CDYL2: variants seen among roughly 807,000 people sequenced by gnomAD.
The protein encoded by CDYL2 is chromodomain Y-like protein 2.
CDYL2 carries 23 observed loss-of-function variants against 49.4 expected under a neutral mutation model. That is an observed-to-expected ratio of 0.47 (90% CI 0.34 to 0.66). CDYL2 has a LOEUF of 0.66. Ranked by LOEUF, CDYL2 falls within the 30% of genes least tolerant of loss-of-function variation. The probability of loss-of-function intolerance (pLI) is 0.01; values close to 1 mark genes in which losing one functional copy is unlikely to be tolerated. For synonymous variants in CDYL2, 360 were observed against 268.8 expected, an observed-to-expected ratio of 1.34 and a Z score of -3.32; for missense variants, 678 against 656.4, an observed-to-expected ratio of 1.03 and a Z score of -0.36.
At chr16:80,652,023 G>A (rs554171043) in intron 2 of CDYL2, among the ~76,000 whole-genome samples, 1 of 152,276 alleles carries the variant, frequency 6.6e-6, no homozygotes, top group South Asian at 2.1e-4. Context: ...AGATAAAGAT[G>A]GCTGCATACA....
intron 1 of CDYL2, among the ~76,000 whole-genome samples, chr16:80,697,923 TC>T (rs1193302897): frequency 6.6e-6 from 1 of 151,972 alleles, no homozygotes; most frequent in African/African-American, 2.4e-5. Context: ...TGGAAATACA[TC>T]CCATGTTCAT....
chr16:80,723,314 C>G (rs1431156846), intron 1 of CDYL2, among the ~76,000 whole-genome samples: 5 of 152,214 alleles, frequency 3.3e-5, no homozygotes, highest in Non-Finnish European at 7.3e-5. Flanking sequence ...TAAGTAAACC[C>G]TAGCTTGGCA....
intron 2 of CDYL2, among the ~76,000 whole-genome samples, chr16:80,676,841 C>T (rs1909763316): frequency 1.3e-5 from 2 of 152,082 alleles, no homozygotes; most frequent in South Asian, 2.1e-4. Context: ...GGGTTATCTG[C>T]TCTAGAATGT....
chr16:80,690,458 C>T (rs1206566305), intron 1 of CDYL2, among the ~76,000 whole-genome samples: 3 of 152,162 alleles, frequency 2.0e-5, no homozygotes, highest in Admixed American at 6.5e-5. Context: ...GATCCCTATA[C>T]ATTAACTCTC....
At chr16:80,646,411 C>G (rs534603351) in intron 2 of CDYL2, among the ~76,000 whole-genome samples, 166 of 152,186 alleles carry the variant, frequency 1.1e-3, no homozygotes, top group Middle Eastern at 3.4e-3. Context: ...AACAAAATGG[C>G]AGGAGAAAGT....
At chr16:80,712,089 G>T (rs559651966) in intron 1 of CDYL2, among the ~76,000 whole-genome samples, 3 of 147,372 alleles carry the variant, frequency 2.0e-5, no homozygotes, top group African/African-American at 7.6e-5. Flanking sequence ...AGATGTGTGT[G>T]TATATATATG....
At chr16:80,730,655 A>C (rs899267866) in intron 1 of CDYL2, among the ~76,000 whole-genome samples, 18 of 152,226 alleles carry the variant, frequency 1.2e-4, no homozygotes, top group African/African-American at 4.3e-4. Context: ...ACCAAAAAAA[A>C]GAATTTTAGA....
chr16:80,629,880 AT>A (rs1395080349), intron 3 of CDYL2, among the ~76,000 whole-genome samples: 1 of 152,234 alleles, frequency 6.6e-6, no homozygotes, highest in East Asian at 1.9e-4. Context: ...TGATGGGAAC[AT>A]TTATTACATA....
intron 2 of CDYL2, among the ~76,000 whole-genome samples, chr16:80,681,499 G>A (rs771528444): frequency 8.5e-5 from 13 of 152,254 alleles, no homozygotes; most frequent in South Asian, 4.1e-4. Context: ...CTGGAACCAC[G>A]GCATCCCCTG....
intron 1 of CDYL2, among the ~76,000 whole-genome samples, chr16:80,755,557 T>C (rs897533506): frequency 2.6e-5 from 4 of 152,230 alleles, no homozygotes; most frequent in Non-Finnish European, 5.9e-5. Flanking sequence ...TCCTTACCCT[T>C]TGACCTGCTC....
chr16:80,803,118 G>A (rs1482808762), intron 1 of CDYL2, among the ~76,000 whole-genome samples: 3 of 152,162 alleles, frequency 2.0e-5, no homozygotes, highest in African/African-American at 7.2e-5. Flanking sequence ...CATTCCCTCT[G>A]GGGAGTGGTG....
At chr16:80,722,284 G>C (rs1905023091) in intron 1 of CDYL2, among the ~76,000 whole-genome samples, 1 of 152,128 alleles carries the variant, frequency 6.6e-6, no homozygotes, top group African/African-American at 2.4e-5. Context: ...TATTGATCTG[G>C]AGCAGGGCTG....
intron 1 of CDYL2, among the ~76,000 whole-genome samples, chr16:80,793,864 T>C (rs1907684209): frequency 6.6e-6 from 1 of 152,218 alleles, no homozygotes; most frequent in South Asian, 2.1e-4. Context: ...AGCAAAATTT[T>C]TTAATGAGGC....
intron 1 of CDYL2, among the ~76,000 whole-genome samples, chr16:80,719,895 C>T (rs1245921852): frequency 1.3e-5 from 2 of 152,212 alleles, no homozygotes; most frequent in Non-Finnish European, 2.9e-5. Flanking sequence ...CTGTCCAACC[C>T]TGGCCCTCCC....
intron 1 of CDYL2, among the ~76,000 whole-genome samples, chr16:80,710,165 G>A (rs972972170): frequency 1.3e-5 from 2 of 152,100 alleles, no homozygotes; most frequent in Admixed American, 1.3e-4. Flanking sequence ...CTGACCTCGT[G>A]ATCCTCCCGC....
intron 1 of CDYL2, among the ~76,000 whole-genome samples, chr16:80,786,550 G>C (rs528021007): frequency 2.6e-5 from 4 of 152,196 alleles, no homozygotes; most frequent in Admixed American, 6.5e-5. Flanking sequence ...GTGGAAGACA[G>C]TGTGGCAATT....
chr16:80,662,666 T>C, intron 2 of CDYL2: 1 of 451,976 alleles, frequency 2.2e-6, no homozygotes, highest in South Asian at 1.6e-5. Context: ...CTGCATTGTC[T>C]AATACAGTAG....
upstream of CDYL2, among the ~76,000 whole-genome samples, chr16:80,804,777 T>G (rs1908050847): frequency 2.1e-5 from 3 of 144,014 alleles, no homozygotes; most frequent in South Asian, 2.5e-4. Context: ...GCGGGCCAGG[T>G]GCCCGCCGGG....
At chr16:80,743,489 GA>G (rs35964565) in intron 1 of CDYL2, among the ~76,000 whole-genome samples, 120,368 of 152,106 alleles carry the variant, frequency 0.79, 49,785 homozygotes, top group Non-Finnish European at 0.92. Context: ...CTTCAACCTG[GA>G]ACTGGGGTGT....
Sources: allele counts gnomAD v4.1 joint callset (sites outside exome capture counted in the v4.1 genomes callset), GRCh38; gene constraint gnomAD v4.1.1; transcripts MANE v1.5; gene names NCBI Gene and HGNC (gene_info 2026-07-23, HGNC 2026-07-21).